LARGE1: variants seen among roughly 807,000 people sequenced by gnomAD.
LARGE1 encodes xylosyl- and glucuronyltransferase LARGE1.
A neutral mutation model predicts 87.6 loss-of-function variants in LARGE1; 43 were observed. The ratio of observed to expected loss-of-function variants is 0.49; its 90% CI spans 0.38 to 0.63. LARGE1 has a LOEUF of 0.63. LARGE1 is among the 30% of genes least tolerant of loss of function. LARGE1 has a pLI of 0.00. For missense variants in LARGE1, 802 were observed against 1,000.2 expected, an observed-to-expected ratio of 0.80 and a Z score of 2.67; for synonymous variants, 434 against 394.6, an observed-to-expected ratio of 1.10 and a Z score of -1.18.
chr22:33,259,774 G>C (rs1350151297), intron 11 of LARGE1, among the ~76,000 whole-genome samples: 1 of 152,142 alleles, frequency 6.6e-6, no homozygotes, highest in Non-Finnish European at 1.5e-5. Context: ...CCAGAAGTTA[G>C]AGAAGACCCA....
intron 1 of LARGE1, among the ~76,000 whole-genome samples, chr22:33,775,672 T>G (rs2085211586): frequency 6.6e-6 from 1 of 151,884 alleles, no homozygotes; most frequent in Non-Finnish European, 1.5e-5. Context: ...GCCAACATGG[T>G]GAAACCCCAT....
intron 7 of LARGE1, among the ~76,000 whole-genome samples, chr22:33,421,228 AT>A (rs2066685213): frequency 6.6e-6 from 1 of 151,980 alleles, no homozygotes; most frequent in Non-Finnish European, 1.5e-5. Context: ...CAATCAATCA[AT>A]CAATCAATCA....
chr22:33,173,567 A>T (rs1346310819), intron 11 of LARGE1, among the ~76,000 whole-genome samples: 1 of 152,012 alleles, frequency 6.6e-6, no homozygotes, highest in African/African-American at 2.4e-5. Context: ...AAGAGTGAAG[A>T]CTCATCATGC....
At chr22:33,628,978 T>C (rs1367584307) in intron 3 of LARGE1, among the ~76,000 whole-genome samples, 1 of 152,154 alleles carries the variant, frequency 6.6e-6, no homozygotes, top group Non-Finnish European at 1.5e-5. Flanking sequence ...TCAAGAGCAG[T>C]GCTGTTAGAA....
chr22:33,849,595 T>TTC (rs1243315229), intron 1 of LARGE1, among the ~76,000 whole-genome samples: 1 of 49,314 alleles, frequency 2.0e-5, no homozygotes, highest in African/African-American at 7.3e-5. Context: ...TTCTTCTCTT[T>TTC]TTTTTTTTTT....
intron 1 of LARGE1, among the ~76,000 whole-genome samples, chr22:33,844,956 G>A (rs909347508): frequency 6.6e-6 from 1 of 151,896 alleles, no homozygotes; most frequent in African/African-American, 2.4e-5. Context: ...CTGACCTCGT[G>A]AGCCACCCGC....
chr22:33,615,116 C>T (rs2079545375), intron 4 of LARGE1, among the ~76,000 whole-genome samples: 1 of 152,132 alleles, frequency 6.6e-6, no homozygotes, highest in East Asian at 1.9e-4. Context: ...TTGAAATAAT[C>T]GACTATTTAC....
intron 2 of LARGE1, among the ~76,000 whole-genome samples, chr22:33,654,157 G>A (rs1189273361): frequency 6.6e-6 from 1 of 152,112 alleles, no homozygotes; most frequent in Non-Finnish European, 1.5e-5. Flanking sequence ...CTATAGATTT[G>A]TCACCAATGA....
intron 11 of LARGE1, among the ~76,000 whole-genome samples, chr22:33,254,410 TAC>T (rs1927157202): frequency 6.6e-6 from 1 of 152,222 alleles, no homozygotes; most frequent in African/African-American, 2.4e-5. Context: ...GGTTGGTTGC[TAC>T]AGAGGTTGTG....
In LARGE1 at chr22:33,501,078, C is replaced by T. The variant is rs747764637; in HGVS notation, c.787+63770G>A. 1.4e-4 allele frequency among the ~76,000 whole-genome samples: 21 copies of T among 152,034 alleles called. No homozygotes were observed. The East Asian group carries it at 1.7e-3, about 13-fold the overall frequency. On this transcript the variant is annotated intron_variant, in intron 6 of 14. Transcript: ENST00000397394. ...GAACACCCTAAGGAGGAATCAAAGACGGAGGGTGGAGGGTGACACTTCAAA... is the reference window on the plus strand; with the variant it reads ...GAACACCCTAAGGAGGAATCAAAGATGGAGGGTGGAGGGTGACACTTCAAA...
chr22:33,330,829 C>T (rs1937615151), intron 10 of LARGE1, among the ~76,000 whole-genome samples: 2 of 152,212 alleles, frequency 1.3e-5, no homozygotes, highest in African/African-American at 4.8e-5. Flanking sequence ...TGAAGAATTA[C>T]ATCCCTGACT....
intron 2 of LARGE1, among the ~76,000 whole-genome samples, chr22:33,651,354 T>G (rs1054602201): frequency 1.6e-5 from 2 of 126,644 alleles, no homozygotes; most frequent in African/African-American, 3.2e-5. Flanking sequence ...ATCGCACCAC[T>G]GCACTCCAGC....
At chr22:33,162,739 G>A (rs1170698343) in exon 12 of LARGE1, 1 of 152,178 alleles carries the variant, frequency 6.6e-6, no homozygotes, top group Non-Finnish European at 1.5e-5. Context: ...TTCTAAAATT[G>A]AATTGTGGCA....
intron 3 of LARGE1, among the ~76,000 whole-genome samples, chr22:33,632,068 C>T (rs1275757098): frequency 1.3e-5 from 2 of 152,166 alleles, no homozygotes; most frequent in Non-Finnish European, 2.9e-5. Context: ...CTCGTTTGCC[C>T]CTCCAACTCA....
At chr22:33,686,555 A>AG (rs1262145988) in intron 2 of LARGE1, among the ~76,000 whole-genome samples, 4 of 69,852 alleles carry the variant, frequency 5.7e-5, no homozygotes, top group East Asian at 4.2e-4. Context: ...AAAAAAAAAA[A>AG]AAAAAAAAAA....
At chr22:33,528,674 G>C (rs534106700) in intron 6 of LARGE1, among the ~76,000 whole-genome samples, 6 of 152,170 alleles carry the variant, frequency 3.9e-5, no homozygotes, top group Non-Finnish European at 8.8e-5. Context: ...AGTCTCTTGA[G>C]AGGGCTGGTT....
chr22:33,705,938 A>C (rs544276043), intron 2 of LARGE1, among the ~76,000 whole-genome samples: 16 of 152,326 alleles, frequency 1.1e-4, no homozygotes, highest in Non-Finnish European at 1.9e-4. Flanking sequence ...TAACATGCCC[A>C]GTTTATAGAT....
intron 2 of LARGE1, among the ~76,000 whole-genome samples, chr22:33,742,254 G>A (rs2083912773): frequency 6.6e-6 from 1 of 152,190 alleles, no homozygotes; most frequent in African/African-American, 2.4e-5. Flanking sequence ...CAGCCTCATA[G>A]GGTGGTTGTG....
intron 6 of LARGE1, among the ~76,000 whole-genome samples, chr22:33,447,401 G>A (rs963528187): frequency 6.6e-6 from 1 of 152,226 alleles, no homozygotes; most frequent in African/African-American, 2.4e-5. Flanking sequence ...CCTGTGTACA[G>A]GTGACATGCA....
Sources: allele counts gnomAD v4.1 joint callset (sites outside exome capture counted in the v4.1 genomes callset), GRCh38; gene constraint gnomAD v4.1.1; transcripts MANE v1.5; gene names NCBI Gene and HGNC (gene_info 2026-07-23, HGNC 2026-07-21).